The following ABTB3 variants were observed in gnomAD, a reference collection of about 807,000 sequenced individuals.
ABTB3 encodes ankyrin repeat and BTB domain containing 3.
At chr12:107,330,977 G>C in the ABTB3 span, among the ~76,000 whole-genome samples, 5 of 152,164 alleles carry the variant, frequency 3.3e-5, no homozygotes, top group Non-Finnish European at 5.9e-5. Context: ...GAAGCTTTGA[G>C]GAGGGGTAAG....
At chr12:107,617,883 C>T in the ABTB3 span, among the ~76,000 whole-genome samples, 19 of 152,170 alleles carry the variant, frequency 1.2e-4, no homozygotes, top group East Asian at 9.7e-4. Context: ...GGCAGGCTGA[C>T]GGTGACAAGT....
At chr12:107,618,869 C>T in the ABTB3 span, among the ~76,000 whole-genome samples, 42 of 152,176 alleles carry the variant, frequency 2.8e-4, no homozygotes, top group African/African-American at 5.3e-4. Context: ...AGGGTGAGGG[C>T]GCCCCTTTCT....
At chr12:107,636,282 A>C in the ABTB3 span, among the ~76,000 whole-genome samples, 1 of 152,276 alleles carries the variant, frequency 6.6e-6, no homozygotes, top group African/African-American at 2.4e-5. Context: ...AAGGAGAAGG[A>C]ATATTAGGCT....
the ABTB3 span, among the ~76,000 whole-genome samples, chr12:107,467,847 T>C: frequency 0.38 from 57,448 of 152,052 alleles, 13,266 homozygotes; most frequent in African/African-American, 0.66. Context: ...ACACGTTTTC[T>C]CTGACCGCTA....
chr12:107,337,383 C>T, the ABTB3 span, among the ~76,000 whole-genome samples: 22 of 152,336 alleles, frequency 1.4e-4, no homozygotes, highest in South Asian at 2.7e-3. Flanking sequence ...GGTGCCTCTA[C>T]GATGCCATGC....
chr12:107,484,860 G>C, the ABTB3 span, among the ~76,000 whole-genome samples: 2 of 152,152 alleles, frequency 1.3e-5, no homozygotes, highest in African/African-American at 4.8e-5. Flanking sequence ...GCTGACTTCA[G>C]GGTTTTTGGC....
the ABTB3 span, among the ~76,000 whole-genome samples, chr12:107,426,289 G>C: frequency 6.6e-6 from 1 of 152,220 alleles, no homozygotes. Flanking sequence ...AAGGAGGGGA[G>C]GGGTGGACGG....
chr12:107,638,077 G>A, the ABTB3 span, among the ~76,000 whole-genome samples: 1 of 152,088 alleles, frequency 6.6e-6, no homozygotes, highest in African/African-American at 2.4e-5. Flanking sequence ...GATCATTTCA[G>A]AAGTTCTGGG....
chr12:107,636,310 A>G, the ABTB3 span, among the ~76,000 whole-genome samples: 4 of 152,198 alleles, frequency 2.6e-5, no homozygotes, highest in Non-Finnish European at 5.9e-5. Context: ...GGCCTGAAAC[A>G]TGAGCCTTCT....
At chr12:107,489,259 A>G in the ABTB3 span, among the ~76,000 whole-genome samples, 1 of 152,290 alleles carries the variant, frequency 6.6e-6, no homozygotes, top group South Asian at 2.1e-4. Flanking sequence ...GGTGGCTCAC[A>G]CCTGTAATCC....
the ABTB3 span, among the ~76,000 whole-genome samples, chr12:107,646,348 TCAG>T: frequency 6.6e-6 from 1 of 152,224 alleles, no homozygotes; most frequent in African/African-American, 2.4e-5. Flanking sequence ...GCGTTTCAAG[TCAG>T]CAGCCCCACC....
At chr12:107,423,495 A>G in the ABTB3 span, among the ~76,000 whole-genome samples, 2 of 152,164 alleles carry the variant, frequency 1.3e-5, no homozygotes, top group Non-Finnish European at 2.9e-5. Flanking sequence ...CAGACAGGAG[A>G]GCACACTGTA....
the ABTB3 span, among the ~76,000 whole-genome samples, chr12:107,609,484 T>C: frequency 5.3e-5 from 8 of 152,246 alleles, no homozygotes; most frequent in South Asian, 1.7e-3. Flanking sequence ...TTTATATTCC[T>C]GTTTGATCTT....
chr12:107,396,904 C>A, the ABTB3 span, among the ~76,000 whole-genome samples: 4 of 152,142 alleles, frequency 2.6e-5, no homozygotes, highest in African/African-American at 4.8e-5. Context: ...TAGATGATTT[C>A]TTGTGTGTTT....
chr12:107,319,749 C>T, the ABTB3 span: 1 of 1,510,834 alleles, frequency 6.6e-7, no homozygotes, highest in African/African-American at 1.4e-5. Context: ...GGCTCGGGCT[C>T]CGGCCCAGGC....
At chr12:107,344,821 CTT>C in the ABTB3 span, among the ~76,000 whole-genome samples, 236 of 152,300 alleles carry the variant, frequency 1.5e-3, 4 homozygotes, top group East Asian at 0.031. Context: ...TTAACACAGA[CTT>C]AATTTAATAT....
At chr12:107,520,763 A>C in the ABTB3 span, 11 of 1,179,612 alleles carry the variant, frequency 9.3e-6, no homozygotes, top group South Asian at 1.6e-4. Context: ...GACACCTTTT[A>C]TTGACTGCCT....
the ABTB3 span, among the ~76,000 whole-genome samples, chr12:107,579,466 T>TGG: frequency 6.6e-6 from 1 of 152,176 alleles, no homozygotes; most frequent in Non-Finnish European, 1.5e-5. Flanking sequence ...ATCAATGAAA[T>TGG]GGGCATAATC....
At chr12:107,455,587 C>T in the ABTB3 span, among the ~76,000 whole-genome samples, 2 of 152,114 alleles carry the variant, frequency 1.3e-5, no homozygotes, top group Admixed American at 6.5e-5. Context: ...CATAGCAAAC[C>T]ACCCCAAAAC....
Sources: gnomAD v4.1 joint callset for allele counts (sites outside exome capture counted in the v4.1 genomes callset) on GRCh38, gnomAD v4.1.1 for gene constraint, MANE v1.5 for transcripts, NCBI Gene and HGNC (gene_info 2026-07-23, HGNC 2026-07-21) for gene names.